RYR3: variants seen among roughly 807,000 people sequenced by gnomAD.
The protein encoded by RYR3 is ryanodine receptor 3.
A neutral mutation model predicts 584.3 loss-of-function variants in RYR3; 207 were observed. The ratio of observed to expected loss-of-function variants is 0.35; its 90% CI spans 0.32 to 0.40. The LOEUF (loss-of-function observed/expected upper bound fraction) is 0.40, where lower values mean the gene tolerates loss of function less well. Ranked by LOEUF, RYR3 falls within the 10% of genes least tolerant of loss-of-function variation. The pLI is 1.00. For synonymous variants in RYR3, 2,416 were observed against 2,248.5 expected (o/e 1.07, Z -2.11); for missense variants, 5,616 against 6,089.2 (o/e 0.92, Z 2.59).
intron 86 of RYR3, 40 bp downstream of exon 86, chr15:33,831,131 A>T: frequency 6.3e-7 from 1 of 1,579,058 alleles, no homozygotes; most frequent in African/African-American, 1.3e-5. Flanking sequence ...CAAAGAGAAC[A>T]TTGTTGATAT....
Position 33,841,799 on chromosome 15 carries a change from G to T in RYR3, c.13038-65G>T, listed in dbSNP as rs142112700. The T allele has an allele frequency of 1.3e-4, 195 of 1,492,670 alleles. No individual in the cohort carries two copies. In the Middle Eastern group the frequency reaches 2.0e-3, roughly 15 times the overall value. The allele number at this position is 1,492,670 out of a possible 1,614,324, so 92.5% of individuals were successfully genotyped here. A position where few individuals can be genotyped will look rare whatever the true frequency, so the allele number is the denominator to read the frequency against. ...TCAATCCAGATTTCTCTTTAATCTA[G>T]TCTCCCTTTTTGGGCCAGACCGCCC... On this transcript the variant is annotated intron_variant, in intron 90 of 103. Coordinates refer to ENST00000634891, the MANE Select transcript of RYR3 (RefSeq NM_001036.6).
chr15:33,482,813 G>A lies in RYR3; in HGVS notation c.171+9275G>A, dbSNP rs151095287. 7.9e-5 allele frequency among the ~76,000 whole-genome samples: 12 copies of A among 152,104 alleles called. No homozygotes were observed. The East Asian group carries it at 2.3e-3, about 29-fold the overall frequency. On this transcript the variant is annotated intron_variant, in intron 2 of 103. Coordinates refer to ENST00000634891, the MANE Select transcript of RYR3 (RefSeq NM_001036.6). ...TGAGCTGAGCTTTATGGATCTTTTG[G>A]TTGTTGTTTTTCATTAAGTATAGAA...
At chr15:33,571,130 A>G (rs1462181351) in intron 12 of RYR3, among the ~76,000 whole-genome samples, 1 of 118,128 alleles carries the variant, frequency 8.5e-6, no homozygotes, top group Admixed American at 1.1e-4. Flanking sequence ...GTGAACAGAC[A>G]TTCTTGTCTT....
At position 33,738,295 on chromosome 15, in the gene RYR3, G is replaced by A. The variant is rs116836930; in HGVS notation, c.7516-155G>A. Among the ~76,000 whole-genome samples the A allele has an allele frequency of 5.4e-3, 822 of 152,208 alleles. 16 individuals carry two copies. The highest frequency in any genetic ancestry group is 0.018 in the African/African-American group (742 of 41,530). On this transcript the variant is annotated intron_variant, in intron 49 of 103. Coordinates refer to ENST00000634891, the MANE Select transcript of RYR3 (RefSeq NM_001036.6). The stretch of plus-strand genomic sequence containing the variant: ...AGCTTGAGAGCAGACTGTTCCCAGC[G>A]GTGTTTGAAGGGCCTCTTTGTAGAC...
At chr15:33,567,219 T>A (rs1369311) in intron 12 of RYR3, among the ~76,000 whole-genome samples, 4 of 152,206 alleles carry the variant, frequency 2.6e-5, no homozygotes, top group Non-Finnish European at 5.9e-5. Flanking sequence ...AAGTAACTTC[T>A]CACTGGAAGC....
chr15:33,675,421 C>G (rs1206937779), intron 38 of RYR3, among the ~76,000 whole-genome samples: 1 of 152,236 alleles, frequency 6.6e-6, no homozygotes, highest in Non-Finnish European at 1.5e-5. Flanking sequence ...ATCCTTGTCA[C>G]TTATGTAATA....
chr15:33,423,353 G>A (rs2141630683), intron 1 of RYR3, among the ~76,000 whole-genome samples: 1 of 152,222 alleles, frequency 6.6e-6, no homozygotes, highest in East Asian at 1.9e-4. Flanking sequence ...TTTTATAGCT[G>A]AATAAAATTC....
intron 2 of RYR3, among the ~76,000 whole-genome samples, chr15:33,480,683 A>T (rs1030503053): frequency 8.5e-5 from 13 of 152,202 alleles, no homozygotes; most frequent in Non-Finnish European, 1.8e-4. Flanking sequence ...ACTAATTTTT[A>T]TTTTAATTCT....
intron 43 of RYR3, among the ~76,000 whole-genome samples, chr15:33,720,804 G>A (rs1263213358): frequency 6.6e-6 from 1 of 152,058 alleles, no homozygotes; most frequent in Non-Finnish European, 1.5e-5. Context: ...AACCCTAGAG[G>A]GTGAGGCTGC....
chr15:33,646,441 A>T lies in RYR3; in HGVS notation c.3856A>T (p.Ile1286Phe), dbSNP rs764901440. ...CACACAGAATAGCAATGCCGACATG[A>T]TCTATTGCCGCTTGAGCATGCCTGT... is the stretch of plus-strand genomic sequence containing the variant. ...FGTQNSNADMIYCRLSMPVEC... is the reference protein window; with the variant it reads ...FGTQNSNADMFYCRLSMPVEC... The change falls in exon 29 of 104, where the codon ATC (isoleucine) becomes TTC (phenylalanine). Residue 1286 changes from isoleucine to phenylalanine, a missense_variant. Around this residue, in one of 9 missense-constraint regions of RYR3, gnomAD observed 753 missense variants for 741.0 expected, o/e 1.02. Transcript: ENST00000634891. 2 of 1,613,910 alleles carry T rather than the reference A, an allele frequency of 1.2e-6. No individual in the cohort carries two copies. The highest frequency in any genetic ancestry group is 1.7e-6 in the Non-Finnish European group (2 of 1,179,840).
At chr15:33,337,774 C>T (rs939827289) in intron 1 of RYR3, among the ~76,000 whole-genome samples, 5 of 152,214 alleles carry the variant, frequency 3.3e-5, no homozygotes, top group Admixed American at 1.3e-4. Flanking sequence ...AGCCTCTAAA[C>T]TCATCCACAT....
intron 1 of RYR3, among the ~76,000 whole-genome samples, chr15:33,466,559 T>G (rs2048502091): frequency 6.6e-6 from 1 of 152,190 alleles, no homozygotes; most frequent in African/African-American, 2.4e-5. Flanking sequence ...CTTCAAACAT[T>G]GTTGCTGGAG....
At chr15:33,315,651 G>A (rs1036893202) in intron 1 of RYR3, among the ~76,000 whole-genome samples, 4 of 152,150 alleles carry the variant, frequency 2.6e-5, no homozygotes. Context: ...CATATCAGCC[G>A]AGCTGGACAC....
chr15:33,726,373 C>T lies in RYR3; in HGVS notation c.6913-13C>T. 6.2e-7 allele frequency: 1 copy of T among 1,612,856 alleles called. No homozygotes were observed. The highest frequency in any genetic ancestry group is 8.5e-7 in the Non-Finnish European group (1 of 1,179,500). ...CTCACTTATCTAATGTCATTCTCAA[C>T]CCTATCTTCCAGCTCATCCAGACAG... On this transcript the variant is annotated splice_polypyrimidine_tract_variant and intron_variant, in intron 45 of 103. Transcript: ENST00000634891.
intron 5 of RYR3, 79 bp from the exon 6 acceptor site, chr15:33,539,271 A>T: frequency 1.2e-6 from 1 of 845,034 alleles, no homozygotes; most frequent in Non-Finnish European, 2.0e-6. Flanking sequence ...GGTTGTCCTA[A>T]GAGGAAGGAG....
chr15:33,395,846 G>T (rs911543968), intron 1 of RYR3, among the ~76,000 whole-genome samples: 6 of 152,198 alleles, frequency 3.9e-5, no homozygotes, highest in African/African-American at 1.4e-4. Flanking sequence ...ACCTCCCACA[G>T]ATTCCAAGAT....
At chr15:33,845,811 C>G (rs2078690793) in intron 93 of RYR3, among the ~76,000 whole-genome samples, 1 of 152,218 alleles carries the variant, frequency 6.6e-6, no homozygotes, top group Admixed American at 6.5e-5. Flanking sequence ...CAGAAGAAAG[C>G]TTACTGATGT....
intron 1 of RYR3, among the ~76,000 whole-genome samples, chr15:33,333,099 A>G (rs1970559736): frequency 6.6e-6 from 1 of 150,714 alleles, no homozygotes; most frequent in Non-Finnish European, 1.5e-5. Context: ...AGCCCAGGAC[A>G]AGATGGATTC....
intron 38 of RYR3, among the ~76,000 whole-genome samples, chr15:33,676,251 A>T (rs2064171542): frequency 6.6e-6 from 1 of 151,396 alleles, no homozygotes; most frequent in Non-Finnish European, 1.5e-5. Context: ...TAAAAAAAAA[A>T]AAAAGGCAAG....
Sources: gnomAD v4.1 joint callset for allele counts (sites outside exome capture counted in the v4.1 genomes callset) on GRCh38, gnomAD v4.1.1 for gene constraint, gnomAD v4.1.1 regional missense constraint, MANE v1.5 for transcripts, NCBI Gene and HGNC (gene_info 2026-07-23, HGNC 2026-07-21) for gene names.